The following PARP6 variants were observed in gnomAD, a reference collection of about 807,000 sequenced individuals.
PARP6 encodes the protein poly(ADP-ribose) polymerase family member 6, also known as protein mono-ADP-ribosyltransferase PARP6.
PARP6 carries 27 observed loss-of-function variants against 92.0 expected under a neutral mutation model. The ratio of observed to expected loss-of-function variants is 0.29; its 90% confidence interval spans 0.22 to 0.40. The LOEUF is 0.40. PARP6 is among the 10% of genes least tolerant of loss of function. The pLI is 1.00. For synonymous variants in PARP6, 272 were observed against 281.2 expected (o/e 0.97, Z 0.33); for missense variants, 501 against 784.5 (o/e 0.64, Z 4.32).
At chr15:72,264,863 A>G (rs2086369455) in intron 7 of PARP6, among the ~76,000 whole-genome samples, 1 of 152,372 alleles carries the variant, frequency 6.6e-6, no homozygotes, top group African/African-American at 2.4e-5. Context: ...TCTTGGAACC[A>G]GAGAAAACAA....
Position 72,253,507 on chromosome 15 carries a change from G to A in PARP6, c.1192-3C>T, listed in dbSNP as rs971405420. The A allele has an allele frequency of 6.2e-7, 1 of 1,612,396 alleles. No homozygotes were observed. The highest frequency in any genetic ancestry group is 8.5e-7 in the Non-Finnish European group (1 of 1,178,634). On this transcript the variant is annotated splice_region_variant and splice_polypyrimidine_tract_variant and intron_variant, in intron 15 of 23. Transcript: ENST00000569795. ...TTCTTGATTTCCAAATATGAGCCCT[G>A]TAAGACAATGGCCATAACGTTATCT...
chr15:72,253,980 A>T, intron 15 of PARP6: 1 of 456,126 alleles, frequency 2.2e-6, no homozygotes, highest in Non-Finnish European at 4.4e-6. Flanking sequence ...ATGTCTATTC[A>T]TGCAGAGATT....
chr15:72,247,785 CTTT>C (rs1175296309), intron 20 of PARP6, among the ~76,000 whole-genome samples: 2 of 151,822 alleles, frequency 1.3e-5, no homozygotes, highest in Non-Finnish European at 2.9e-5. Context: ...TCTCTTATTA[CTTT>C]TTATTTTTTT....
chr15:72,242,199 A>G lies in PARP6; in HGVS notation c.1663T>C (p.Phe555Leu). The change falls in exon 22 of 24, where the codon TTC (phenylalanine) becomes CTC (leucine). Residue 555 changes from phenylalanine to leucine, a missense_variant. Physicochemically the swap from Phe to Leu is conservative, Grantham distance 22 (BLOSUM62 0). Coordinates refer to ENST00000569795, the MANE Select transcript of PARP6 (RefSeq NM_001323532.2). This position sits in a 1 kb window ranked among gnomAD's most constrained non-coding sequence, Gnocchi z 4.3. The stretch of plus-strand genomic sequence containing the variant: ...CAGTTTAGATTCCGACTCTGCAGGA[A>G]CCGTGACTGAATGGATCGGGTCTGG... Reference protein sequence around the residue: ...IPQTRSIQSRFLQSRNLNCIA... With the variant: ...IPQTRSIQSRLLQSRNLNCIA... The G allele has an allele frequency of 6.2e-7, 1 of 1,614,130 alleles. No individual in the cohort carries two copies. The highest frequency in any genetic ancestry group is 8.5e-7 in the Non-Finnish European group (1 of 1,179,980).
intron 7 of PARP6, 41 bp from the exon 8 acceptor site, chr15:72,264,662 T>G: frequency 2.6e-4 from 392 of 1,519,122 alleles, no homozygotes; most frequent in Non-Finnish European, 3.3e-4. Flanking sequence ...TACATATCTC[T>G]TGTCTTCCTG....
In PARP6 at chr15:72,242,342, C is replaced by T; in HGVS notation, c.1642-122G>A. On this transcript the variant is annotated intron_variant, in intron 21 of 23. Coordinates refer to ENST00000569795, the MANE Select transcript of PARP6 (RefSeq NM_001323532.2). This position sits in a 1 kb window ranked among gnomAD's most constrained non-coding sequence, Gnocchi z 4.3. ...AGATATCCTGGGCTCCCAGCAACACCCCTCGCCGCCCAGAAAATTCTTCTT... is the reference window on the plus strand; with the variant it reads ...AGATATCCTGGGCTCCCAGCAACACTCCTCGCCGCCCAGAAAATTCTTCTT... 1 of 739,186 alleles carries T rather than the reference C, an allele frequency of 1.4e-6. No individual in the cohort carries two copies. The highest frequency in any genetic ancestry group is 2.3e-6 in the Non-Finnish European group (1 of 432,516). The allele number at this position is 739,186 out of a possible 1,614,324, so 45.8% of individuals were successfully genotyped here.
Position 72,265,487 on chromosome 15 carries a change from G to A in PARP6, c.177-14C>T, listed in dbSNP as rs1237357731. On this transcript the variant is annotated splice_polypyrimidine_tract_variant and intron_variant, in intron 5 of 23. Transcript: ENST00000569795. Reference sequence around the variant, plus strand: ...GTTCCATATTCTCTATAGAGATACAGGTGACAACAGGTGAGACTCATTAAG... The same window carrying A: ...GTTCCATATTCTCTATAGAGATACAAGTGACAACAGGTGAGACTCATTAAG... 2 of 1,590,982 alleles carry A rather than the reference G, an allele frequency of 1.3e-6. No individual in the cohort carries two copies. Among genetic ancestry groups the A allele is most frequent in the South Asian group, 2.2e-5 (2 of 90,640 alleles).
chr15:72,252,185 T>A (rs1002535940), intron 16 of PARP6, among the ~76,000 whole-genome samples: 3 of 152,166 alleles, frequency 2.0e-5, no homozygotes, highest in Non-Finnish European at 2.9e-5. Context: ...GGACATTCTA[T>A]ATCATCAAGG....
rs2083089006 is a variant in PARP6, at chr15:72,241,824, C to T, written c.1790+77G>A. The T allele has an allele frequency of 1.8e-6, 2 of 1,087,962 alleles. No individual in the cohort carries two copies. The highest frequency in any genetic ancestry group is 3.1e-5 in the African/African-American group (2 of 64,852). The allele number at this position is 1,087,962 out of a possible 1,614,324, so 67.4% of individuals were successfully genotyped here. On this transcript the variant is annotated intron_variant, in intron 23 of 23. Transcript: ENST00000569795. The surrounding 1 kb of genome is among the most constrained non-coding windows in gnomAD (Gnocchi z 4.1). ...ACATGTCTCAGATAACAGAAATAGACTTTTCCCAGTAGCCACACACCATCA... is the reference window on the plus strand; with the variant it reads ...ACATGTCTCAGATAACAGAAATAGATTTTTCCCAGTAGCCACACACCATCA...
At chr15:72,245,825 T>C (rs889411323) in intron 20 of PARP6, 12 of 152,100 alleles carry the variant, frequency 7.9e-5, no homozygotes, top group African/African-American at 2.4e-4. Context: ...ATTTAGGCAC[T>C]TGGTAGTAAA....
intron 14 of PARP6, 79 bp downstream of exon 14, chr15:72,256,386 T>C (rs2085134784): frequency 1.6e-6 from 2 of 1,222,564 alleles, no homozygotes; most frequent in Non-Finnish European, 2.2e-6. Context: ...GCCCTGTATA[T>C]ACCAGAATGT....
At chr15:72,243,344 G>C (rs2083271522) in intron 20 of PARP6, 1 of 152,150 alleles carries the variant, frequency 6.6e-6, no homozygotes, top group South Asian at 2.1e-4. Flanking sequence ...TGAATGGAAA[G>C]GAAGCAAGCA....
At chr15:72,264,418 G>T in intron 8 of PARP6, 137 bp downstream of exon 8, 2 of 668,510 alleles carry the variant, frequency 3.0e-6, no homozygotes, top group South Asian at 1.9e-5. Flanking sequence ...ATTTATTTTA[G>T]CTTTTCCTGG....
At position 72,242,139 on chromosome 15, in the gene PARP6, C is replaced by T. The variant is rs768589193; in HGVS notation, c.1705+18G>A. The T allele has an allele frequency of 6.2e-7, 1 of 1,609,658 alleles. No homozygotes were observed. Among genetic ancestry groups the T allele is most frequent in the South Asian group, 1.1e-5 (1 of 90,976 alleles). Reference sequence around the variant, plus strand: ...AGGTTAGAGACCCAGAAAAACAGGACATGGGCAAGCTACCTACCTTCACAA... The same window carrying T: ...AGGTTAGAGACCCAGAAAAACAGGATATGGGCAAGCTACCTACCTTCACAA... On this transcript the variant is annotated intron_variant, in intron 22 of 23. Coordinates refer to ENST00000569795, the MANE Select transcript of PARP6 (RefSeq NM_001323532.2). The surrounding 1 kb of genome is among the most constrained non-coding windows in gnomAD (Gnocchi z 4.3).
intron 20 of PARP6, among the ~76,000 whole-genome samples, chr15:72,247,857 A>C (rs1308054381): frequency 9.9e-5 from 15 of 151,852 alleles, no homozygotes; most frequent in Non-Finnish European, 1.9e-4. Context: ...ATCTTGGCTG[A>C]CTGCAGCCTC....
Position 72,257,369 on chromosome 15 carries a change from C to T in PARP6, c.978G>A (p.Glu326=), listed in dbSNP as rs1330452839. 2.5e-6 allele frequency: 4 copies of T among 1,613,966 alleles called. No individual in the cohort carries two copies. The highest frequency in any genetic ancestry group is 3.4e-6 in the Non-Finnish European group (4 of 1,179,826). ...ATACCTCTGCTCCAGTGGCCACCTC[C>T]TCTGCAGCTCCAGACATGACGCCCA... ...YTLGVMSGAA[E]EVATGAEVVD... The change falls in exon 13 of 24, where the codon GAG becomes GAA. Residue 326 remains glutamate (E), a synonymous_variant. Coordinates refer to ENST00000569795, the MANE Select transcript of PARP6 (RefSeq NM_001323532.2).
chr15:72,261,661 C>T lies in PARP6; in HGVS notation c.442G>A (p.Asp148Asn). Reference protein sequence around the residue: ...TSQQWKHLSNDFLKTQQEKRH... With the variant: ...TSQQWKHLSNNFLKTQQEKRH... ...TTCTCCTGCTGGGTCTTCAAGAAAT[C>T]ATTGCTCAGATGTTTCCATTGTTGG... Residue 148 changes from aspartate (D) to asparagine (N), a missense_variant, in exon 9 of 24, where the codon GAT becomes AAT. By Grantham distance (23) the Asp-to-Asn change is conservative. Around this residue, in one of 4 missense-constraint regions of PARP6, gnomAD observed 291 missense variants for 352.0 expected, o/e 0.83. Coordinates refer to ENST00000569795, the MANE Select transcript of PARP6 (RefSeq NM_001323532.2). 1.9e-6 allele frequency: 3 copies of T among 1,614,048 alleles called. No individual in the cohort carries two copies. Among genetic ancestry groups the T allele is most frequent in the Non-Finnish European group, 2.5e-6 (3 of 1,179,914 alleles).
chr15:72,259,688 G>T (rs372970979), intron 10 of PARP6, 27 bp from the exon 11 acceptor site: 1 of 1,608,958 alleles, frequency 6.2e-7, no homozygotes, highest in South Asian at 1.1e-5. Context: ...GACAGACCCC[G>T]TGAACCTCCT....
intron 4 of PARP6, 143 bp downstream of exon 4, chr15:72,266,602 T>C: frequency 6.1e-6 from 4 of 658,476 alleles, no homozygotes; most frequent in Non-Finnish European, 1.1e-5. Flanking sequence ...CGGGATCAGC[T>C]CTGACAAGAC....
Sources: gnomAD v4.1 joint callset for allele counts (sites outside exome capture counted in the v4.1 genomes callset) on GRCh38, gnomAD v4.1.1 for gene constraint, gnomAD v4.1.1 regional missense constraint, Gnocchi (gnomAD v3.1) non-coding constraint, MANE v1.5 for transcripts, NCBI Gene and HGNC (gene_info 2026-07-23, HGNC 2026-07-21) for gene names.